The following RBFOX1 variants were observed in gnomAD, a reference collection of about 807,000 sequenced individuals.
RBFOX1 encodes RNA binding protein fox-1 homolog 1.
Under a neutral mutation model 57.7 loss-of-function variants are expected in RBFOX1, and 8 were observed. That is an observed-to-expected ratio of 0.14 (90% CI 0.08 to 0.25). The LOEUF (loss-of-function observed/expected upper bound fraction) is 0.25, where lower values mean the gene tolerates loss of function less well. Ranked by LOEUF, RBFOX1 falls within the 10% of genes least tolerant of loss-of-function variation. RBFOX1 has a pLI of 1.00. For synonymous variants in RBFOX1, 326 were observed against 222.4 expected (o/e 1.47, Z -4.15); for missense variants, 611 against 548.5 (o/e 1.11, Z -1.14).
At chr16:6,182,174 G>C (rs776506752) in intron 1 of RBFOX1, among the ~76,000 whole-genome samples, 3 of 152,130 alleles carry the variant, frequency 2.0e-5, no homozygotes, top group Non-Finnish European at 4.4e-5. Context: ...TATTCTCTGG[G>C]AAAGAAAATT....
intron 3 of RBFOX1, among the ~76,000 whole-genome samples, chr16:6,970,650 G>T (rs759352326): frequency 3.3e-5 from 5 of 152,116 alleles, no homozygotes; most frequent in Non-Finnish European, 7.4e-5. Flanking sequence ...CCATTTGTGA[G>T]GGCTATGACC....
chr16:6,269,477 C>A (rs1246289796), intron 1 of RBFOX1, among the ~76,000 whole-genome samples: 1 of 152,136 alleles, frequency 6.6e-6, no homozygotes, highest in South Asian at 2.1e-4. Flanking sequence ...ACGAAAACAT[C>A]TTGGAAGTAA....
chr16:7,556,427 C>T (rs1418053977), intron 5 of RBFOX1, among the ~76,000 whole-genome samples: 1 of 152,112 alleles, frequency 6.6e-6, no homozygotes, highest in Non-Finnish European at 1.5e-5. Context: ...ATGATGGTAC[C>T]CAAGATAAAT....
chr16:6,978,848 G>A (rs1215694901), intron 3 of RBFOX1, among the ~76,000 whole-genome samples: 1 of 152,098 alleles, frequency 6.6e-6, no homozygotes, highest in African/African-American at 2.4e-5. Context: ...TCCCCTTCGC[G>A]CAGAGCTGCT....
intron 4 of RBFOX1, among the ~76,000 whole-genome samples, chr16:6,008,599 C>T (rs2094941171): frequency 6.6e-6 from 1 of 152,074 alleles, no homozygotes; most frequent in African/African-American, 2.4e-5. Context: ...TATCCCAGAG[C>T]TTCAGCATGT....
chr16:5,966,992 G>GC (rs1555458303), intron 4 of RBFOX1, among the ~76,000 whole-genome samples: 1 of 17,152 alleles, frequency 5.8e-5, no homozygotes, highest in Non-Finnish European at 1.4e-4. Context: ...GCACTAAATC[G>GC]GGGGGGGGGG....
intron 4 of RBFOX1, among the ~76,000 whole-genome samples, chr16:7,142,632 A>T (rs1202403079): frequency 6.6e-6 from 1 of 152,178 alleles, no homozygotes; most frequent in Non-Finnish European, 1.5e-5. Context: ...ACTGTCAATC[A>T]GAGCATTTTG....
At chr16:7,445,554 C>T (rs2098801474) in intron 4 of RBFOX1, among the ~76,000 whole-genome samples, 1 of 152,168 alleles carries the variant, frequency 6.6e-6, no homozygotes, top group Non-Finnish European at 1.5e-5. Context: ...GGATTGGGGT[C>T]ATTTGATTCA....
intron 3 of RBFOX1, among the ~76,000 whole-genome samples, chr16:5,701,996 G>A (rs762189541): frequency 1.3e-5 from 2 of 152,156 alleles, no homozygotes. Flanking sequence ...AGAATGCCTG[G>A]TAGAAAGTAA....
intron 1 of RBFOX1, among the ~76,000 whole-genome samples, chr16:5,253,015 T>C (rs773364530): frequency 3.9e-5 from 6 of 152,250 alleles, no homozygotes; most frequent in Non-Finnish European, 8.8e-5. Flanking sequence ...TTCATCAGCG[T>C]GAGGGGTTCT....
chr16:6,748,570 G>A (rs1463086933), intron 3 of RBFOX1, among the ~76,000 whole-genome samples: 1 of 152,144 alleles, frequency 6.6e-6, no homozygotes. Flanking sequence ...GGCTGAAGTG[G>A]ATCTCTTGAG....
At chr16:5,804,752 C>T (rs757328425) in intron 3 of RBFOX1, among the ~76,000 whole-genome samples, 2 of 152,204 alleles carry the variant, frequency 1.3e-5, no homozygotes, top group Admixed American at 6.5e-5. Context: ...TGGCTGCTGC[C>T]TGGCCTTGAG....
chr16:5,270,365 C>T, intron 1 of RBFOX1: 1 of 1,199,560 alleles, frequency 8.3e-7, no homozygotes, highest in Non-Finnish European at 1.2e-6. Flanking sequence ...TCTCAAGGGT[C>T]TTGTGTTTGA....
chr16:7,045,127 C>A (rs994065216), intron 3 of RBFOX1, among the ~76,000 whole-genome samples: 2 of 152,102 alleles, frequency 1.3e-5, no homozygotes, highest in Non-Finnish European at 2.9e-5. Context: ...GGTCACTGGC[C>A]ACCTAACTCA....
At position 5,663,821 on chromosome 16, in the gene RBFOX1, A is replaced by T. The variant is rs141864736; in HGVS notation, c.318+64860A>T. 2.8e-4 allele frequency among the ~76,000 whole-genome samples: 42 copies of T among 152,326 alleles called. No individual in the cohort carries two copies. In the East Asian group the frequency reaches 7.7e-3, roughly 28 times the overall value. On this transcript the variant is annotated intron_variant, in intron 3 of 19. Transcript: ENST00000641259. The stretch of plus-strand genomic sequence containing the variant: ...CTCTTGTGCTTCACACGTCAAAGAC[A>T]TTCAAAAGGCAGCTGTGCATTTTAG...
intron 1 of RBFOX1, among the ~76,000 whole-genome samples, chr16:5,369,911 G>T (rs1021919233): frequency 1.4e-4 from 22 of 152,114 alleles, no homozygotes; most frequent in African/African-American, 5.1e-4. Context: ...ACCTATAGAT[G>T]TCTGAGAATG....
At chr16:5,777,360 G>A (rs957983656) in intron 3 of RBFOX1, among the ~76,000 whole-genome samples, 6 of 152,140 alleles carry the variant, frequency 3.9e-5, no homozygotes, top group Admixed American at 1.3e-4. Flanking sequence ...TGGCCCACTG[G>A]ATAATTCAGG....
intron 3 of RBFOX1, among the ~76,000 whole-genome samples, chr16:6,872,881 A>T (rs1301206874): frequency 1.3e-5 from 2 of 152,202 alleles, no homozygotes; most frequent in African/African-American, 4.8e-5. Flanking sequence ...ATGTTCCATA[A>T]AAATTGTGCT....
At chr16:7,270,740 A>G (rs2095298550) in intron 4 of RBFOX1, among the ~76,000 whole-genome samples, 1 of 152,228 alleles carries the variant, frequency 6.6e-6, no homozygotes, top group African/African-American at 2.4e-5. Flanking sequence ...ACTGCATCTG[A>G]TTAATCCCAC....
Sources: gnomAD v4.1 joint callset for allele counts (sites outside exome capture counted in the v4.1 genomes callset) on GRCh38, gnomAD v4.1.1 for gene constraint, MANE v1.5 for transcripts, NCBI Gene and HGNC (gene_info 2026-07-23, HGNC 2026-07-21) for gene names.